The following NRG3 variants were observed in gnomAD, a reference collection of about 807,000 sequenced individuals.
The protein encoded by NRG3 is pro-neuregulin-3, membrane-bound isoform.
In NRG3, 31 loss-of-function variants were observed where a neutral mutation model predicts 66.9. That is an observed-to-expected ratio of 0.46 (90% CI 0.35 to 0.63). The LOEUF (loss-of-function observed/expected upper bound fraction) is 0.63, where lower values mean the gene tolerates loss of function less well. NRG3 is among the 20% of genes least tolerant of loss of function. The pLI is 0.00. For synonymous variants in NRG3, 393 were observed against 359.4 expected (o/e 1.09, Z -1.06); for missense variants, 910 against 878.9 (o/e 1.04, Z -0.45).
intron 1 of NRG3, among the ~76,000 whole-genome samples, chr10:82,146,966 A>G (rs745696862): frequency 3.3e-5 from 5 of 152,110 alleles, no homozygotes; most frequent in Admixed American, 6.6e-5. Context: ...AATAACAGCT[A>G]CAGCTCGGTG....
chr10:82,831,553 C>T (rs919926353), intron 3 of NRG3, among the ~76,000 whole-genome samples: 5 of 152,114 alleles, frequency 3.3e-5, no homozygotes, highest in Non-Finnish European at 7.4e-5. Context: ...CAGTGGCTCA[C>T]GCCTGTAATC....
At chr10:82,054,937 G>A (rs573308310) in intron 1 of NRG3, among the ~76,000 whole-genome samples, 3 of 151,712 alleles carry the variant, frequency 2.0e-5, no homozygotes, top group Non-Finnish European at 4.4e-5. Flanking sequence ...GAAATATAAC[G>A]GGAAGTTCAA....
At chr10:82,825,868 T>C (rs575157563) in intron 3 of NRG3, among the ~76,000 whole-genome samples, 1 of 152,276 alleles carries the variant, frequency 6.6e-6, no homozygotes, top group Admixed American at 6.5e-5. Context: ...AAATGCATAC[T>C]TTCTATATAT....
chr10:82,968,007 C>T (rs927685106), intron 6 of NRG3, among the ~76,000 whole-genome samples: 2 of 152,212 alleles, frequency 1.3e-5, no homozygotes, highest in African/African-American at 2.4e-5. Context: ...TGATCTTAGC[C>T]ATTATTCTCT....
intron 2 of NRG3, among the ~76,000 whole-genome samples, chr10:82,538,834 A>T (rs571983954): frequency 7.2e-5 from 11 of 152,302 alleles, no homozygotes; most frequent in African/African-American, 2.6e-4. Context: ...ACCATGTATT[A>T]ATAGGTAGAG....
rs199667477 is a variant in NRG3 at position 82,204,307 on chromosome 10, C to G, written c.824-154432C>G. Among the ~76,000 whole-genome samples the G allele has an allele frequency of 5.9e-5, 9 of 152,290 alleles. No homozygotes were observed. The East Asian group carries it at 1.7e-3, about 29-fold the overall frequency. ...GTTTCTTTCTTATACTTATCACAGT[C>G]TAATGAGGGTTTGTTAGTTCTCCAT... On this transcript the variant is annotated intron_variant, in intron 1 of 8. Coordinates refer to ENST00000372141, the MANE Select transcript of NRG3 (RefSeq NM_001010848.4).
chr10:82,942,474 C>A (rs1313947682), intron 4 of NRG3, among the ~76,000 whole-genome samples: 1 of 152,204 alleles, frequency 6.6e-6, no homozygotes, highest in African/African-American at 2.4e-5. Context: ...ATCATGCTAG[C>A]CAATAAGTGT....
chr10:82,166,290 A>T (rs2072055400), intron 1 of NRG3, among the ~76,000 whole-genome samples: 1 of 152,196 alleles, frequency 6.6e-6, no homozygotes, highest in Non-Finnish European at 1.5e-5. Context: ...AAGTGCTGGG[A>T]TTACAGGCAT....
In NRG3 at chr10:82,490,211, A is replaced by G. The variant is rs146429242; in HGVS notation, c.953+131343A>G. ...TTGCTGCAAAACTCTTTTAAGATGTATCTACACTCAGGTTGGCAGTTCCTC... is the reference window on the plus strand; with the variant it reads ...TTGCTGCAAAACTCTTTTAAGATGTGTCTACACTCAGGTTGGCAGTTCCTC... On this transcript the variant is annotated intron_variant, in intron 2 of 8. Coordinates refer to ENST00000372141, the MANE Select transcript of NRG3 (RefSeq NM_001010848.4). Among the ~76,000 whole-genome samples, 573 of 152,284 alleles carry G rather than the reference A, an allele frequency of 3.8e-3. 5 individuals carry two copies. The highest frequency in any genetic ancestry group is 0.013 in the African/African-American group (559 of 41,552).
At chr10:82,613,989 G>T (rs1359487952) in intron 2 of NRG3, among the ~76,000 whole-genome samples, 1 of 151,802 alleles carries the variant, frequency 6.6e-6, no homozygotes, top group Non-Finnish European at 1.5e-5. Context: ...TGCAACCTCT[G>T]CCTTCCGGGT....
rs796613736 is a variant in NRG3, at chr10:82,721,307, A to AT, written c.954-17258dup. Reference sequence around the variant, plus strand: ...CCACCATGCCCGGCTAATTTTTTGTATTTTTTTTTTTTAGTAGAGGCGGTG... The same window carrying AT: ...CCACCATGCCCGGCTAATTTTTTGTATTTTTTTTTTTTTAGTAGAGGCGGTG... On this transcript the variant is annotated intron_variant, in intron 2 of 8. Coordinates refer to ENST00000372141, the MANE Select transcript of NRG3 (RefSeq NM_001010848.4). Among the ~76,000 whole-genome samples the AT allele has an allele frequency of 4.1e-3, 535 of 130,870 alleles. 2 individuals carry two copies. The highest frequency in any genetic ancestry group is 0.011 in the African/African-American group (377 of 35,414). 85.9% of individuals were successfully genotyped at this position (130,870 alleles called of 152,430 possible). A position where few individuals can be genotyped will look rare whatever the true frequency, so the allele number is the denominator to read the frequency against.
chr10:82,935,555 T>A (rs1847982288), intron 4 of NRG3, among the ~76,000 whole-genome samples: 1 of 152,200 alleles, frequency 6.6e-6, no homozygotes. Context: ...ATTACAAGTT[T>A]TAGAAAACAG....
chr10:82,835,236 T>C (rs1222238081), intron 3 of NRG3, among the ~76,000 whole-genome samples: 1 of 152,140 alleles, frequency 6.6e-6, no homozygotes, highest in Non-Finnish European at 1.5e-5. Flanking sequence ...CCCTGTGCTT[T>C]GATGTCCTGC....
intron 3 of NRG3, among the ~76,000 whole-genome samples, chr10:82,853,987 G>A (rs991415620): frequency 6.6e-6 from 1 of 152,092 alleles, no homozygotes; most frequent in African/African-American, 2.4e-5. Flanking sequence ...TGCCAGTTTT[G>A]TTGAGGTTTA....
chr10:82,774,558 T>C (rs555591488), intron 3 of NRG3, among the ~76,000 whole-genome samples: 8 of 152,148 alleles, frequency 5.3e-5, no homozygotes, highest in Non-Finnish European at 1.2e-4. Flanking sequence ...TGTTAACATA[T>C]AATTGTTCAC....
At chr10:82,262,109 G>A (rs75669006) in intron 1 of NRG3, among the ~76,000 whole-genome samples, 3,260 of 152,234 alleles carry the variant, frequency 0.021, 85 homozygotes, top group African/African-American at 0.064. Context: ...AACCATGAGC[G>A]AACTAAACCT....
At chr10:82,200,365 G>T (rs2074729447) in intron 1 of NRG3, among the ~76,000 whole-genome samples, 1 of 152,052 alleles carries the variant, frequency 6.6e-6, no homozygotes, top group South Asian at 2.1e-4. Context: ...TAAATACCTG[G>T]CATGGAGAAG....
At chr10:82,780,480 C>CTTT (rs150086019) in intron 3 of NRG3, among the ~76,000 whole-genome samples, 14 of 106,062 alleles carry the variant, frequency 1.3e-4, no homozygotes, top group East Asian at 2.8e-4. Flanking sequence ...TTTTTCTTTT[C>CTTT]TTTTTTTTTT....
intron 1 of NRG3, among the ~76,000 whole-genome samples, chr10:81,955,770 A>G (rs1343359296): frequency 6.6e-6 from 1 of 152,116 alleles, no homozygotes; most frequent in African/African-American, 2.4e-5. Context: ...CATCAGATTC[A>G]TGACTTTAAT....
Sources: allele counts gnomAD v4.1 joint callset (sites outside exome capture counted in the v4.1 genomes callset), GRCh38; gene constraint gnomAD v4.1.1; transcripts MANE v1.5; gene names NCBI Gene and HGNC (gene_info 2026-07-23, HGNC 2026-07-21).